The following GAREM1 variants were observed in gnomAD, a reference collection of about 807,000 sequenced individuals.
GAREM1 encodes the protein GRB2-associated and regulator of MAPK protein 1.
Under a neutral mutation model 71.3 loss-of-function variants are expected in GAREM1, and 26 were observed. That is an observed-to-expected ratio of 0.36 (90% CI 0.27 to 0.51). The LOEUF is 0.51. GAREM1 is among the 20% of genes least tolerant of loss of function. GAREM1 has a pLI of 0.95. For synonymous variants in GAREM1, 440 were observed against 433.2 expected (o/e 1.02, Z -0.20); for missense variants, 1,026 against 1,103.1 (o/e 0.93, Z 0.99).
At chr18:32,342,406 G>A (rs552332665) in intron 2 of GAREM1, among the ~76,000 whole-genome samples, 1 of 152,214 alleles carries the variant, frequency 6.6e-6, no homozygotes, top group East Asian at 1.9e-4. Flanking sequence ...ACTTTTGCAG[G>A]GCTCTGCTTA....
rs2041354611 is a variant in GAREM1, at chr18:32,265,066, G to A, written c.*2805C>T. 1.3e-5 allele frequency: 2 copies of A among 152,208 alleles called. No individual in the cohort carries two copies. The highest frequency in any genetic ancestry group is 2.4e-5 in the African/African-American group (1 of 41,450). The allele number at this position is 152,208 out of a possible 1,614,324, so 9.4% of individuals were successfully genotyped here. A position where few individuals can be genotyped will look rare whatever the true frequency, so the allele number is the denominator to read the frequency against. ...AAGGGAAGGGCTTCTCGAAAGGGAAGGGCTTTCTCCTTATTATCCCTGCTT... is the reference window on the plus strand; with the variant it reads ...AAGGGAAGGGCTTCTCGAAAGGGAAAGGCTTTCTCCTTATTATCCCTGCTT... On this transcript the variant is annotated 3_prime_UTR_variant, in exon 6 of 6. Coordinates refer to ENST00000269209, the MANE Select transcript of GAREM1 (RefSeq NM_001242409.2).
chr18:32,277,598 C>T (rs546897291), intron 4 of GAREM1, among the ~76,000 whole-genome samples: 3 of 152,342 alleles, frequency 2.0e-5, no homozygotes, highest in Non-Finnish European at 2.9e-5. Flanking sequence ...CCAAATCAAA[C>T]ACATCATAAA....
chr18:32,433,865 T>C (rs1268094238), intron 1 of GAREM1, among the ~76,000 whole-genome samples: 3 of 152,152 alleles, frequency 2.0e-5, no homozygotes, highest in African/African-American at 7.2e-5. Context: ...CATCAGTCAG[T>C]CCAAAATGAT....
At chr18:32,290,966 C>T (rs901350337) in intron 3 of GAREM1, among the ~76,000 whole-genome samples, 1 of 152,142 alleles carries the variant, frequency 6.6e-6, no homozygotes, top group Non-Finnish European at 1.5e-5. Context: ...TCCCTCCATC[C>T]AGCAATCCTA....
At chr18:32,277,097 G>A (rs543990318) in intron 4 of GAREM1, among the ~76,000 whole-genome samples, 45 of 152,272 alleles carry the variant, frequency 3.0e-4, no homozygotes, top group African/African-American at 1.0e-3. Context: ...CAAATGAGGC[G>A]TGAGTCAAGT....
rs2047169588 is a variant in GAREM1 at position 32,298,897 on chromosome 18, A to G, written c.394-10694T>C. Among the ~76,000 whole-genome samples the G allele has an allele frequency of 2.0e-5, 3 of 152,198 alleles. No individual in the cohort carries two copies. The South Asian group carries it at 6.2e-4, about 31-fold the overall frequency. Reference sequence around the variant, plus strand: ...GGAAAATGACAGCAAATGGATGAAAATTGCATCAAGAGTTAAGATAAATGT... The same window carrying G: ...GGAAAATGACAGCAAATGGATGAAAGTTGCATCAAGAGTTAAGATAAATGT... On this transcript the variant is annotated intron_variant, in intron 3 of 5. Transcript: ENST00000269209.
intron 2 of GAREM1, among the ~76,000 whole-genome samples, chr18:32,344,675 A>AAC (rs2144581321): frequency 6.6e-6 from 1 of 152,380 alleles, no homozygotes; most frequent in Admixed American, 6.5e-5. Context: ...TTTCAAAATA[A>AAC]ACACTGTCGA....
At chr18:32,315,295 T>C (rs688824) in intron 2 of GAREM1, among the ~76,000 whole-genome samples, 24,784 of 151,678 alleles carry the variant, frequency 0.16, 2,235 homozygotes, top group African/African-American at 0.23. Flanking sequence ...ACAAGCCACA[T>C]GTGCAATTAC....
intron 4 of GAREM1, among the ~76,000 whole-genome samples, chr18:32,280,557 C>T (rs2041599487): frequency 1.3e-5 from 2 of 152,182 alleles, no homozygotes; most frequent in Admixed American, 1.3e-4. Context: ...GACTCTGCCA[C>T]TAAAAGATTA....
intron 2 of GAREM1, among the ~76,000 whole-genome samples, chr18:32,354,567 A>G (rs927393008): frequency 6.6e-6 from 1 of 152,200 alleles, no homozygotes; most frequent in Non-Finnish European, 1.5e-5. Flanking sequence ...GAAACAAGCT[A>G]CAATCCCCCT....
chr18:32,440,180 T>C (rs2048720736), intron 1 of GAREM1, among the ~76,000 whole-genome samples: 1 of 152,220 alleles, frequency 6.6e-6, no homozygotes, highest in East Asian at 1.9e-4. Context: ...ACTCCACAGA[T>C]ATTAACTCAT....
At chr18:32,363,989 T>TAAATAC in intron 2 of GAREM1, among the ~76,000 whole-genome samples, 1 of 48,230 alleles carries the variant, frequency 2.1e-5, no homozygotes, top group African/African-American at 1.0e-4. Flanking sequence ...CATAAATACA[T>TAAATAC]ATATACATAT....
At chr18:32,424,417 A>G (rs1165592881) in intron 1 of GAREM1, among the ~76,000 whole-genome samples, 1 of 152,232 alleles carries the variant, frequency 6.6e-6, no homozygotes, top group Admixed American at 6.5e-5. Flanking sequence ...ACTTATGATG[A>G]TAAAGTAAGA....
At chr18:32,383,507 AG>A (rs983043642) in intron 2 of GAREM1, among the ~76,000 whole-genome samples, 1 of 152,228 alleles carries the variant, frequency 6.6e-6, no homozygotes, top group Admixed American at 6.5e-5. Context: ...TTCCTAAAAA[AG>A]AACCTTTTAA....
intron 4 of GAREM1, among the ~76,000 whole-genome samples, chr18:32,273,858 T>C (rs1408861584): frequency 6.6e-6 from 1 of 152,152 alleles, no homozygotes; most frequent in Admixed American, 6.5e-5. Context: ...GTCTGGGTGT[T>C]GTTATGTGAG....
At chr18:32,388,235 A>G (rs888213328) in intron 2 of GAREM1, among the ~76,000 whole-genome samples, 5 of 152,224 alleles carry the variant, frequency 3.3e-5, no homozygotes, top group Admixed American at 1.3e-4. Context: ...TGCTCATAAT[A>G]GCAGGTAAGT....
intron 4 of GAREM1, among the ~76,000 whole-genome samples, chr18:32,271,855 G>C (rs1300990398): frequency 6.6e-6 from 1 of 152,092 alleles, no homozygotes; most frequent in Admixed American, 6.5e-5. Flanking sequence ...CTAATGAAGT[G>C]ACATTTTTCA....
chr18:32,294,376 G>C (rs989036917), intron 3 of GAREM1, among the ~76,000 whole-genome samples: 1 of 152,220 alleles, frequency 6.6e-6, no homozygotes, highest in Non-Finnish European at 1.5e-5. Context: ...TCTGGCTAAA[G>C]TGATAGGGTG....
intron 2 of GAREM1, among the ~76,000 whole-genome samples, chr18:32,343,311 G>GTTTTTTTTTTTTTTTTTTTTTTTTT (rs35086441): frequency 8.4e-6 from 1 of 118,886 alleles, no homozygotes; most frequent in African/African-American, 3.4e-5. Context: ...CTCCCCCACT[G>GTTTTTTTTTTTTTTTTTTTTTTTTT]TTTTTTTTTT....
Sources: gnomAD v4.1 joint callset for allele counts (sites outside exome capture counted in the v4.1 genomes callset) on GRCh38, gnomAD v4.1.1 for gene constraint, MANE v1.5 for transcripts, NCBI Gene and HGNC (gene_info 2026-07-23, HGNC 2026-07-21) for gene names.